The following LSAMP variants were observed in gnomAD, a reference collection of about 807,000 sequenced individuals.
The protein encoded by LSAMP is limbic system-associated membrane protein.
A neutral mutation model predicts 38.6 loss-of-function variants in LSAMP; 7 were observed. That is an observed-to-expected ratio of 0.18 (90% CI 0.10 to 0.34). The LOEUF (loss-of-function observed/expected upper bound fraction) is 0.34. Ranked by LOEUF, LSAMP falls within the 10% of genes least tolerant of loss-of-function variation. The probability of loss-of-function intolerance (pLI) is 1.00; values close to 1 mark genes in which losing one functional copy is unlikely to be tolerated. For missense variants in LSAMP, 313 were observed against 420.0 expected, an observed-to-expected ratio of 0.75 and a Z score of 2.23; for synonymous variants, 154 against 166.8, an observed-to-expected ratio of 0.92 and a Z score of 0.59.
chr3:116,412,418 T>A (rs935461190), intron 1 of LSAMP, among the ~76,000 whole-genome samples: 2 of 152,102 alleles, frequency 1.3e-5, no homozygotes, highest in African/African-American at 4.8e-5. Flanking sequence ...GCTTTACTCA[T>A]GATTCTTTCT....
chr3:116,084,937 A>AT (rs1707954806), intron 2 of LSAMP, among the ~76,000 whole-genome samples: 1 of 150,196 alleles, frequency 6.7e-6, no homozygotes, highest in African/African-American at 2.5e-5. Context: ...ATTTAGTAGA[A>AT]TTTTTTCTTA....
At chr3:115,837,593 A>C (rs1284131283) in intron 6 of LSAMP, among the ~76,000 whole-genome samples, 2 of 152,156 alleles carry the variant, frequency 1.3e-5, no homozygotes, top group Admixed American at 6.5e-5. Flanking sequence ...CAACACAAGC[A>C]GTGCCCTTGG....
intron 4 of LSAMP, among the ~76,000 whole-genome samples, chr3:115,847,164 C>T (rs1935186390): frequency 6.6e-6 from 1 of 152,040 alleles, no homozygotes; most frequent in Admixed American, 6.6e-5. Context: ...CCAAGTCTAC[C>T]ACTCACCAAA....
chr3:116,379,905 G>T (rs1345315318), intron 1 of LSAMP, among the ~76,000 whole-genome samples: 1 of 152,062 alleles, frequency 6.6e-6, no homozygotes, highest in Non-Finnish European at 1.5e-5. Context: ...ATTTCACTCA[G>T]ATCGCTTCTG....
intron 3 of LSAMP, among the ~76,000 whole-genome samples, chr3:115,934,006 T>C (rs747544024): frequency 6.6e-6 from 1 of 152,120 alleles, no homozygotes; most frequent in Non-Finnish European, 1.5e-5. Flanking sequence ...CTTGAGGAAA[T>C]AGCACTGATA....
chr3:116,212,026 T>C (rs1460539497), intron 1 of LSAMP, among the ~76,000 whole-genome samples: 1 of 152,188 alleles, frequency 6.6e-6, no homozygotes, highest in African/African-American at 2.4e-5. Flanking sequence ...GAGTTCTTCT[T>C]GTGATAAAGA....
At chr3:115,972,857 C>A (rs538418833) in intron 3 of LSAMP, among the ~76,000 whole-genome samples, 4 of 148,802 alleles carry the variant, frequency 2.7e-5, no homozygotes, top group Admixed American at 2.0e-4. Flanking sequence ...ATGTATTAGC[C>A]CATTATATAT....
At chr3:115,819,618 A>G (rs1934162136) in intron 6 of LSAMP, among the ~76,000 whole-genome samples, 1 of 152,228 alleles carries the variant, frequency 6.6e-6, no homozygotes, top group South Asian at 2.1e-4. Context: ...GTTGATTACA[A>G]GAAGCATATA....
chr3:116,141,799 C>T (rs902313494), intron 1 of LSAMP, among the ~76,000 whole-genome samples: 1 of 152,044 alleles, frequency 6.6e-6, no homozygotes, highest in Admixed American at 6.6e-5. Flanking sequence ...AATCATACAA[C>T]CTTTGGGCCA....
chr3:115,899,392 G>A (rs1936812924), intron 3 of LSAMP, among the ~76,000 whole-genome samples: 1 of 152,014 alleles, frequency 6.6e-6, no homozygotes, highest in Non-Finnish European at 1.5e-5. Context: ...GCTTTAGTTT[G>A]GAAAGATGAG....
At chr3:116,149,702 A>G (rs934980009) in intron 1 of LSAMP, among the ~76,000 whole-genome samples, 1 of 151,974 alleles carries the variant, frequency 6.6e-6, no homozygotes, top group Non-Finnish European at 1.5e-5. Flanking sequence ...TGGTTCATTT[A>G]TCTGAATATG....
At chr3:116,342,496 C>G (rs1204441502) in intron 1 of LSAMP, among the ~76,000 whole-genome samples, 1 of 151,992 alleles carries the variant, frequency 6.6e-6, no homozygotes, top group African/African-American at 2.4e-5. Flanking sequence ...AAGGATAAAA[C>G]ATTGTTTTTC....
At chr3:116,428,978 A>C (rs567013537) in intron 1 of LSAMP, among the ~76,000 whole-genome samples, 28 of 152,216 alleles carry the variant, frequency 1.8e-4, no homozygotes, top group African/African-American at 6.7e-4. Context: ...TAGTTCCTAA[A>C]CTCTGTCTAC....
chr3:116,276,684 G>GAAAAAAAAAAAAAAAA (rs200897808), intron 1 of LSAMP, among the ~76,000 whole-genome samples: 2 of 106,802 alleles, frequency 1.9e-5, no homozygotes, highest in Non-Finnish European at 2.1e-5. Flanking sequence ...TAAAAAAAAA[G>GAAAAAAAAAAAAAAAA]AAAAAAAAAA....
chr3:116,139,312 C>G (rs113412525), intron 1 of LSAMP, among the ~76,000 whole-genome samples: 4 of 151,902 alleles, frequency 2.6e-5, no homozygotes, highest in African/African-American at 9.7e-5. Context: ...TGATCAGAAG[C>G]TTTTAAGACC....
intron 1 of LSAMP, among the ~76,000 whole-genome samples, chr3:116,185,355 A>G (rs1710589822): frequency 1.3e-5 from 2 of 151,956 alleles, no homozygotes; most frequent in South Asian, 2.1e-4. Context: ...CTGAATATTG[A>G]TACTTGCTCT....
At chr3:116,065,459 T>C (rs546226773) in intron 2 of LSAMP, among the ~76,000 whole-genome samples, 1 of 152,364 alleles carries the variant, frequency 6.6e-6, no homozygotes, top group South Asian at 2.1e-4. Flanking sequence ...GCTTTTCCAG[T>C]GATCTGTACT....
chr3:116,183,275 T>C (rs930446076), intron 1 of LSAMP, among the ~76,000 whole-genome samples: 7 of 151,896 alleles, frequency 4.6e-5, no homozygotes, highest in African/African-American at 1.7e-4. Context: ...TGCACACTTT[T>C]GTAAGTACCA....
chr3:115,835,254 CA>C (rs1170190073), intron 6 of LSAMP, among the ~76,000 whole-genome samples: 2 of 152,116 alleles, frequency 1.3e-5, no homozygotes, highest in Non-Finnish European at 2.9e-5. Flanking sequence ...ATCAACCAAT[CA>C]AATTTGCTTG....
Sources: allele counts gnomAD v4.1 joint callset (sites outside exome capture counted in the v4.1 genomes callset), GRCh38; gene constraint gnomAD v4.1.1; transcripts MANE v1.5; gene names NCBI Gene and HGNC (gene_info 2026-07-23, HGNC 2026-07-21).